PAPPA2: variants seen among roughly 807,000 people sequenced by gnomAD.
PAPPA2 encodes pappalysin 2, also known as pappalysin-2.
PAPPA2 carries 86 observed loss-of-function variants against 176.4 expected under a neutral mutation model. The observed-to-expected ratio is 0.49, with a 90% CI of 0.41 to 0.58. The LOEUF (loss-of-function observed/expected upper bound fraction) is 0.58, where lower values mean the gene tolerates loss of function less well. Among genes scored for constraint, PAPPA2 ranks in the 20% least tolerant of loss-of-function variants. The pLI is 0.00. For synonymous variants in PAPPA2, 809 were observed against 852.2 expected, an observed-to-expected ratio of 0.95 and a Z score of 0.88; for missense variants, 2,073 against 2,256.9, an observed-to-expected ratio of 0.92 and a Z score of 1.65.
intron 3 of PAPPA2, chr1:176,616,539 C>T (rs996435294): frequency 1.5e-6 from 2 of 1,324,096 alleles, no homozygotes; most frequent in African/African-American, 1.5e-5. Flanking sequence ...AAAATGTAAC[C>T]AATCAGCAAC....
chr1:176,791,520 T>A, intron 19 of PAPPA2, 38 bp downstream of exon 19: 1 of 1,583,424 alleles, frequency 6.3e-7, no homozygotes, highest in East Asian at 2.3e-5. Flanking sequence ...AATTTCTATG[T>A]CATTCTTTTA....
chr1:176,662,480 T>C (rs1245180404), intron 3 of PAPPA2, among the ~76,000 whole-genome samples: 2 of 152,140 alleles, frequency 1.3e-5, no homozygotes, highest in Admixed American at 6.6e-5. Flanking sequence ...TGTATCATTA[T>C]ATTCTATTTT....
rs144493678 is a variant in PAPPA2, at chr1:176,710,508, A to G, written c.3651+332A>G. On this transcript the variant is annotated intron_variant, in intron 11 of 22. Coordinates refer to ENST00000367662, the MANE Select transcript of PAPPA2 (RefSeq NM_020318.3). ...TAAATTGATTTAAAGAAGTTTTATTATTGAAGAAACCCTTGATATAAGTAA... is the reference window on the plus strand; with the variant it reads ...TAAATTGATTTAAAGAAGTTTTATTGTTGAAGAAACCCTTGATATAAGTAA... 1.5e-3 allele frequency among the ~76,000 whole-genome samples: 236 copies of G among 152,316 alleles called. 1 individual carries two copies. The Middle Eastern group carries it at 0.02, about 13-fold the overall frequency.
chr1:176,675,537 A>C (rs913132728), intron 4 of PAPPA2, among the ~76,000 whole-genome samples: 12 of 152,114 alleles, frequency 7.9e-5, no homozygotes. Flanking sequence ...GTTTATGAAC[A>C]GAAGAAAGAA....
chr1:176,783,786 T>C (rs953695154), intron 17 of PAPPA2, among the ~76,000 whole-genome samples: 1 of 152,146 alleles, frequency 6.6e-6, no homozygotes, highest in Non-Finnish European at 1.5e-5. Context: ...TCTCGCTCTC[T>C]GGTTTCTACA....
intron 2 of PAPPA2, among the ~76,000 whole-genome samples, chr1:176,571,918 G>A (rs558631174): frequency 6.6e-6 from 1 of 152,302 alleles, no homozygotes; most frequent in South Asian, 2.1e-4. Context: ...CTCAGGGTAT[G>A]GGATAGTGAG....
At chr1:176,703,457 A>G (rs1252002016) in intron 9 of PAPPA2, among the ~76,000 whole-genome samples, 1 of 152,098 alleles carries the variant, frequency 6.6e-6, no homozygotes. Flanking sequence ...CCCTACATCA[A>G]CCTAACTTTA....
At chr1:176,705,770 A>C (rs1571204543) in intron 9 of PAPPA2, among the ~76,000 whole-genome samples, 1 of 152,196 alleles carries the variant, frequency 6.6e-6, no homozygotes, top group East Asian at 1.9e-4. Flanking sequence ...AGCTGTAACC[A>C]GGTGGTAGTA....
chr1:176,784,849 G>T (rs1158950829), intron 17 of PAPPA2, among the ~76,000 whole-genome samples: 1 of 152,138 alleles, frequency 6.6e-6, no homozygotes, highest in Non-Finnish European at 1.5e-5. Flanking sequence ...GCCTCCCAAA[G>T]TGCTGGGATT....
intron 6 of PAPPA2, 38 bp from the exon 7 acceptor site, chr1:176,695,698 ACT>A (rs780730742): frequency 5.6e-6 from 9 of 1,608,586 alleles, no homozygotes; most frequent in Non-Finnish European, 3.4e-6. Context: ...CATCTGATGG[ACT>A]CTCCTCATCT....
intron 1 of PAPPA2, among the ~76,000 whole-genome samples, chr1:176,547,438 A>G (rs192579324): frequency 1.3e-5 from 2 of 152,244 alleles, no homozygotes; most frequent in Admixed American, 6.5e-5. Flanking sequence ...TTGCTATGTG[A>G]CTTTTTGTAG....
intron 12 of PAPPA2, among the ~76,000 whole-genome samples, chr1:176,716,210 C>T (rs1402768716): frequency 1.3e-5 from 2 of 149,638 alleles, no homozygotes; most frequent in Non-Finnish European, 3.0e-5. Flanking sequence ...AATTTTTGTC[C>T]TTTGCCAATT....
In PAPPA2 at chr1:176,793,456, A is replaced by G. The variant is rs1665274506; in HGVS notation, c.5021-104A>G. ...CAACGTCATAATATGGTGACCCATGATGAAAGCAGTTGTTCTTTAAAAACT... is the reference window on the plus strand; with the variant it reads ...CAACGTCATAATATGGTGACCCATGGTGAAAGCAGTTGTTCTTTAAAAACT... On this transcript the variant is annotated intron_variant, in intron 19 of 22. Transcript: ENST00000367662. 9.7e-6 allele frequency: 9 copies of G among 929,066 alleles called. No homozygotes were observed. In the Middle Eastern group the frequency reaches 7.0e-4, roughly 72 times the overall value. The allele number at this position is 929,066 out of a possible 1,614,324, so 57.6% of individuals were successfully genotyped here. A position where few individuals can be genotyped will look rare whatever the true frequency, so the allele number is the denominator to read the frequency against.
chr1:176,560,334 G>A (rs1422916075), intron 2 of PAPPA2, among the ~76,000 whole-genome samples: 1 of 152,190 alleles, frequency 6.6e-6, no homozygotes, highest in Non-Finnish European at 1.5e-5. Context: ...ATTCCAGAAT[G>A]AATTGCCAGA....
Position 176,771,101 on chromosome 1 carries a change from C to G in PAPPA2, c.4636C>G (p.His1546Asp). The change falls in exon 17 of 23, where the codon CAC (histidine) becomes GAC (aspartate). Residue 1546 changes from histidine to aspartate, a missense_variant. His to Asp is a moderately conservative substitution (Grantham distance 81). Transcript: ENST00000367662. ...CCTGCCTCACTGCCTCCAGGACAACCACGACGTGGGCACCATCTGCAAATA... is the reference window on the plus strand; with the variant it reads ...CCTGCCTCACTGCCTCCAGGACAACGACGACGTGGGCACCATCTGCAAATA... Reference protein sequence around the residue: ...LLLPHCLQDNHDVGTICKYEC... With the variant: ...LLLPHCLQDNDDVGTICKYEC... 1 of 1,614,150 alleles carries G rather than the reference C, an allele frequency of 6.2e-7. No homozygotes were observed. The highest frequency in any genetic ancestry group is 8.5e-7 in the Non-Finnish European group (1 of 1,180,024).
intron 2 of PAPPA2, among the ~76,000 whole-genome samples, chr1:176,575,317 G>A (rs1048130987): frequency 1.3e-5 from 2 of 151,986 alleles, no homozygotes; most frequent in East Asian, 1.9e-4. Flanking sequence ...ATTTATCTAC[G>A]TTTGTCCTCA....
At position 176,774,675 on chromosome 1, in the gene PAPPA2, T is replaced by C. The variant is rs76412505; in HGVS notation, c.4715+3495T>C. Among the ~76,000 whole-genome samples the C allele has an allele frequency of 8.2e-3, 1,243 of 152,272 alleles. 9 individuals carry two copies. Among genetic ancestry groups the C allele is most frequent in the Middle Eastern group, 0.02 (6 of 294 alleles). On this transcript the variant is annotated intron_variant, in intron 17 of 22. Coordinates refer to ENST00000367662, the MANE Select transcript of PAPPA2 (RefSeq NM_020318.3). ...TTCTCCTTCAACATATTCACCACTT[T>C]GCAGCAAAAATGGCCTTCAAAAAAC... is the stretch of plus-strand genomic sequence containing the variant.
intron 12 of PAPPA2, among the ~76,000 whole-genome samples, chr1:176,719,944 C>A (rs556431795): frequency 6.6e-6 from 1 of 152,152 alleles, no homozygotes; most frequent in Non-Finnish European, 1.5e-5. Context: ...AGACTTTGAA[C>A]GAAATGATGT....
rs1221401358 is a variant in PAPPA2 at position 176,800,142 on chromosome 1, C to G, written c.5202+10C>G. On this transcript the variant is annotated intron_variant, in intron 21 of 22. Coordinates refer to ENST00000367662, the MANE Select transcript of PAPPA2 (RefSeq NM_020318.3). ...CATCCAGTCATGTGAGGTAAGATAG[C>G]CTCCCCTTCCCCAACTCAGACTAGA... is the stretch of plus-strand genomic sequence containing the variant. 1.9e-6 allele frequency: 3 copies of G among 1,613,466 alleles called. No homozygotes were observed. The highest frequency in any genetic ancestry group is 2.2e-5 in the South Asian group (2 of 91,026).
Sources: allele counts gnomAD v4.1 joint callset (sites outside exome capture counted in the v4.1 genomes callset), GRCh38; gene constraint gnomAD v4.1.1; transcripts MANE v1.5; gene names NCBI Gene and HGNC (gene_info 2026-07-23, HGNC 2026-07-21).